Variants in STRN observed in about 807,000 individuals in gnomAD.
STRN encodes striatin, also known as protein phosphatase 2 regulatory subunit B'''alpha.
Under a neutral mutation model 96.3 loss-of-function variants are expected in STRN, and 53 were observed. That is an observed-to-expected ratio of 0.55 (90% CI 0.44 to 0.69). The LOEUF is 0.69. STRN is among the 30% of genes least tolerant of loss of function. The pLI, the probability that STRN is intolerant of heterozygous loss-of-function variation, is 0.00. For missense variants in STRN, 987 were observed against 963.9 expected, an observed-to-expected ratio of 1.02 and a Z score of -0.32; for synonymous variants, 428 against 355.9, an observed-to-expected ratio of 1.20 and a Z score of -2.28.
At chr2:36,895,780 G>A (rs550071497) in intron 6 of STRN, among the ~76,000 whole-genome samples, 7 of 149,562 alleles carry the variant, frequency 4.7e-5, no homozygotes, top group South Asian at 2.1e-4. Context: ...AAAAATTAGC[G>A]AGGCATGGTG....
chr2:36,916,312 T>G (rs544190979), intron 2 of STRN, among the ~76,000 whole-genome samples, 161 bp from the exon 3 acceptor site: 1 of 152,200 alleles, frequency 6.6e-6, no homozygotes, highest in Non-Finnish European at 1.5e-5. Context: ...ACAAAAGTGC[T>G]TGCCTTTTCG....
At chr2:36,853,465 A>G (rs1023753392) in intron 15 of STRN, among the ~76,000 whole-genome samples, 2 of 152,228 alleles carry the variant, frequency 1.3e-5, no homozygotes, top group African/African-American at 2.4e-5. Flanking sequence ...CAAATCATGG[A>G]AACAGGCAAA....
intron 10 of STRN, 32 bp from the exon 11 acceptor site, chr2:36,869,761 C>T (rs774656598): frequency 1.6e-5 from 24 of 1,519,752 alleles, no homozygotes; most frequent in Non-Finnish European, 2.0e-5. Flanking sequence ...GATATCTACA[C>T]ACTTAGTTAA....
chr2:36,926,847 T>C (rs1018921885), intron 1 of STRN, among the ~76,000 whole-genome samples: 3 of 152,310 alleles, frequency 2.0e-5, no homozygotes, highest in Admixed American at 6.5e-5. Flanking sequence ...GGGATAATTA[T>C]GTTACCTAAC....
At chr2:36,913,122 C>T (rs1354831096) in intron 3 of STRN, among the ~76,000 whole-genome samples, 1 of 152,130 alleles carries the variant, frequency 6.6e-6, no homozygotes, top group Non-Finnish European at 1.5e-5. Context: ...TAACCAGTTG[C>T]CCCATCTCCA....
At chr2:36,881,687 T>C (rs1669074598) in intron 9 of STRN, among the ~76,000 whole-genome samples, 1 of 152,236 alleles carries the variant, frequency 6.6e-6, no homozygotes, top group African/African-American at 2.4e-5. Flanking sequence ...TCACTATGTT[T>C]TTTATCAAGG....
chr2:36,905,620 T>G lies in STRN; in HGVS notation c.413-2A>C. ...GCACTTCTGTTTCATTACCTTCATC[T>G]AGAAAACATTAAGTCATAATAAAAC... On this transcript the variant is annotated splice_acceptor_variant, in intron 3 of 17. Coordinates refer to ENST00000263918, the MANE Select transcript of STRN (RefSeq NM_003162.4). LOFTEE classifies it high-confidence loss of function. 1 of 1,612,450 alleles carries G rather than the reference T, an allele frequency of 6.2e-7. No homozygotes were observed. Among genetic ancestry groups the G allele is most frequent in the South Asian group, 1.1e-5 (1 of 91,010 alleles).
chr2:36,916,000 T>TA (rs1670088227), intron 3 of STRN, 78 bp downstream of exon 3: 1 of 1,263,858 alleles, frequency 7.9e-7, no homozygotes, highest in Non-Finnish European at 1.1e-6. Context: ...GAAAGTAACT[T>TA]ACAGTTGTAA....
At chr2:36,957,647 G>A (rs1348555340) in intron 1 of STRN, among the ~76,000 whole-genome samples, 1 of 150,414 alleles carries the variant, frequency 6.6e-6, no homozygotes, top group Non-Finnish European at 1.5e-5. Flanking sequence ...TCTACCAGAA[G>A]GAAATGTAAA....
chr2:36,958,926 C>T (rs1664962094), intron 1 of STRN, among the ~76,000 whole-genome samples: 1 of 152,176 alleles, frequency 6.6e-6, no homozygotes, highest in Non-Finnish European at 1.5e-5. Flanking sequence ...ACCATCCTAG[C>T]TGACACAGTG....
chr2:36,864,317 G>A (rs2540925), intron 12 of STRN, among the ~76,000 whole-genome samples: 132,659 of 152,152 alleles, frequency 0.87, 59,601 homozygotes, highest in Non-Finnish European at 0.98. Context: ...TTAATATTTT[G>A]GGGTATGTTC....
intron 2 of STRN, among the ~76,000 whole-genome samples, chr2:36,922,559 CCT>C (rs1670289722): frequency 6.6e-6 from 1 of 151,760 alleles, no homozygotes; most frequent in Non-Finnish European, 1.5e-5. Context: ...TCCCACATTC[CCT>C]GTTACATGTA....
intron 3 of STRN, among the ~76,000 whole-genome samples, chr2:36,912,256 G>A (rs761354494): frequency 3.9e-5 from 6 of 152,068 alleles, no homozygotes; most frequent in East Asian, 1.9e-4. Flanking sequence ...GAGTGTGCGC[G>A]CGCGCACACA....
Position 36,839,686 on chromosome 2 carries a change from G to A in STRN, c.*9770C>T, listed in dbSNP as rs548816308. 1.3e-5 allele frequency among the ~76,000 whole-genome samples: 2 copies of A among 152,174 alleles called. No individual in the cohort carries two copies. Among genetic ancestry groups the A allele is most frequent in the African/African-American group, 4.8e-5 (2 of 41,510 alleles). ...GTCCTATTGTCCAGGCCAAATTCCT[G>A]CTTTCTTCTGTGTTGAACTGATCTT... On this transcript the variant is annotated 3_prime_UTR_variant, in exon 18 of 18. Transcript: ENST00000263918.
At position 36,862,815 on chromosome 2, in the gene STRN, A is replaced by T. The variant is rs189455482; in HGVS notation, c.1548-1562T>A. 7.5e-3 allele frequency among the ~76,000 whole-genome samples: 1,136 copies of T among 151,830 alleles called. 16 individuals carry two copies. Among genetic ancestry groups the T allele is most frequent in the African/African-American group, 0.026 (1,087 of 41,386 alleles). Reference sequence around the variant, plus strand: ...AGTGGCGCGATCTTGGCTCACTGCAAGCTCTGCCTCCCGGGTTCACGCCGT... The same window carrying T: ...AGTGGCGCGATCTTGGCTCACTGCATGCTCTGCCTCCCGGGTTCACGCCGT... On this transcript the variant is annotated intron_variant, in intron 12 of 17. Coordinates refer to ENST00000263918, the MANE Select transcript of STRN (RefSeq NM_003162.4).
intron 3 of STRN, among the ~76,000 whole-genome samples, chr2:36,915,575 A>T (rs1166474296): frequency 8.5e-5 from 13 of 152,320 alleles, no homozygotes; most frequent in African/African-American, 3.1e-4. Flanking sequence ...CAGCTGTTAA[A>T]ACATGTTCTA....
intron 1 of STRN, among the ~76,000 whole-genome samples, chr2:36,952,152 C>G (rs770794487): frequency 6.6e-6 from 1 of 152,192 alleles, no homozygotes; most frequent in Non-Finnish European, 1.5e-5. Flanking sequence ...GTAGGCCTGT[C>G]TTACATTGGG....
intron 16 of STRN, among the ~76,000 whole-genome samples, chr2:36,850,562 G>C (rs1266364846): frequency 1.3e-5 from 2 of 152,140 alleles, no homozygotes; most frequent in African/African-American, 4.8e-5. Context: ...AGGCTATTTG[G>C]TAATGGAATA....
intron 1 of STRN, among the ~76,000 whole-genome samples, chr2:36,943,272 G>C (rs1055386174): frequency 6.6e-6 from 1 of 151,914 alleles, no homozygotes; most frequent in Non-Finnish European, 1.5e-5. Flanking sequence ...GAGGTAATCA[G>C]TGTGAACAAC....
Sources: allele counts gnomAD v4.1 joint callset (sites outside exome capture counted in the v4.1 genomes callset), GRCh38; gene constraint gnomAD v4.1.1; transcripts MANE v1.5; gene names NCBI Gene and HGNC (gene_info 2026-07-23, HGNC 2026-07-21).